LAMB3: variants seen among roughly 807,000 people sequenced by gnomAD.
LAMB3 encodes laminin subunit beta-3.
A neutral mutation model predicts 140.3 loss-of-function variants in LAMB3; 104 were observed. The ratio of observed to expected loss-of-function variants is 0.74; its 90% CI spans 0.63 to 0.87. LAMB3 has a LOEUF of 0.87. LAMB3 is among the 40% of genes least tolerant of loss of function. The probability of loss-of-function intolerance (pLI) is 0.00; values close to 1 mark genes in which losing one functional copy is unlikely to be tolerated. For missense variants in LAMB3, 1,531 were observed against 1,575.2 expected (o/e 0.97, Z 0.47); for synonymous variants, 592 against 602.9 (o/e 0.98, Z 0.26).
chr1:209,649,931 C>T (rs764891003), intron 3 of LAMB3, 33 bp downstream of exon 3: 15 of 1,613,378 alleles, frequency 9.3e-6, no homozygotes, highest in Admixed American at 1.7e-5. Context: ...CCTCCCATCC[C>T]GCCTTCCTCC....
In LAMB3 at chr1:209,630,737, T is replaced by C; in HGVS notation, c.823-2A>G. ...CTGGCAGACACAGACATCGTGGACC[T>C]GGGAGGGGGACCGTCAGCCATCAGG... On this transcript the variant is annotated splice_acceptor_variant, in intron 8 of 22. Coordinates refer to ENST00000356082, the MANE Select transcript of LAMB3 (RefSeq NM_000228.3). LOFTEE classifies it high-confidence loss of function. 1 of 1,613,740 alleles carries C rather than the reference T, an allele frequency of 6.2e-7. No individual in the cohort carries two copies. The highest frequency in any genetic ancestry group is 8.5e-7 in the Non-Finnish European group (1 of 1,179,938).
In LAMB3 at chr1:209,626,003, T is replaced by C. The variant is rs1415288738; in HGVS notation, c.1621A>G (p.Thr541Ala). 1.9e-6 allele frequency: 3 copies of C among 1,613,088 alleles called. No individual in the cohort carries two copies. The Admixed American group carries it at 5.0e-5, about 27-fold the overall frequency. ...CRACDCDFRG[T>A]EGPGCDKASG... is the part of the protein sequence containing the mutation. ...GCCTTGTCGCAGCCCGGGCCCTCTGTTCCCCGGAAATCACAGTCACAGGCT... is the reference window on the plus strand; with the variant it reads ...GCCTTGTCGCAGCCCGGGCCCTCTGCTCCCCGGAAATCACAGTCACAGGCT... Residue 541 changes from threonine (T) to alanine (A), a missense_variant, in exon 14 of 23, where the codon ACA (threonine) becomes GCA (alanine). Thr to Ala is a moderately conservative substitution (Grantham distance 58, BLOSUM62 0). Transcript: ENST00000356082.
chr1:209,625,306 A>G (rs1018840572), intron 14 of LAMB3, among the ~76,000 whole-genome samples: 5 of 152,092 alleles, frequency 3.3e-5, no homozygotes, highest in Non-Finnish European at 5.9e-5. Flanking sequence ...TGCCTCTCGG[A>G]TGCCCTCCGC....
intron 12 of LAMB3, among the ~76,000 whole-genome samples, 173 bp from the exon 13 acceptor site, chr1:209,627,151 G>A (rs367836672): frequency 6.6e-6 from 1 of 152,228 alleles, no homozygotes; most frequent in Non-Finnish European, 1.5e-5. Context: ...GAGCCTTGAA[G>A]TCAAGGCCCA....
In LAMB3 at chr1:209,618,347, C is replaced by T. The variant is rs1176939292; in HGVS notation, c.2909+105G>A. The stretch of plus-strand genomic sequence containing the variant: ...CCACTCTCCACCATGGTAAGCACCC[C>T]CTCCTGTCTCCCAGCCCTCTGTACC... On this transcript the variant is annotated intron_variant, in intron 19 of 22. Transcript: ENST00000356082. 7 of 1,152,608 alleles carry T rather than the reference C, an allele frequency of 6.1e-6. No homozygotes were observed. The South Asian group carries it at 9.1e-5, about 15-fold the overall frequency. The allele number at this position is 1,152,608 out of a possible 1,614,324, so 71.4% of individuals were successfully genotyped here. A position where few individuals can be genotyped will look rare whatever the true frequency, so the allele number is the denominator to read the frequency against.
chr1:209,640,066 G>C (rs1379441043), intron 3 of LAMB3, among the ~76,000 whole-genome samples: 1 of 152,220 alleles, frequency 6.6e-6, no homozygotes, highest in Non-Finnish European at 1.5e-5. Context: ...GGGGAGCCAG[G>C]TGTCTTGGTT....
rs769358854 is a variant in LAMB3, at chr1:209,623,526, G to A, written c.2337C>T (p.Asp779=). 2 of 1,614,210 alleles carry A rather than the reference G, an allele frequency of 1.2e-6. No individual in the cohort carries two copies. Among genetic ancestry groups the A allele is most frequent in the South Asian group, 1.1e-5 (1 of 91,086 alleles). ...ALRLEMSSLP[D]LTPTFNKLCG... ...TCACCTTGTTGAAGGTGGGTGTCAG[G>A]TCAGGCAACGAAGACATCTCCAGCC... The change falls in exon 16 of 23, where the codon GAC becomes GAT. Residue 779 remains aspartate, a synonymous_variant. Transcript: ENST00000356082. This position sits in a 1 kb window ranked among gnomAD's most constrained non-coding sequence, Gnocchi z 4.2.
chr1:209,644,363 A>G (rs1239183680), intron 3 of LAMB3, among the ~76,000 whole-genome samples: 1 of 152,224 alleles, frequency 6.6e-6, no homozygotes, highest in East Asian at 1.9e-4. Flanking sequence ...TATATGCTAC[A>G]CACTCAAAAA....
rs751348872 is a variant in LAMB3 at position 209,630,643 on chromosome 1, C to T, written c.915G>A (p.Ala305=). 20 of 1,614,058 alleles carry T rather than the reference C, an allele frequency of 1.2e-5. No homozygotes were observed. Among genetic ancestry groups the T allele is most frequent in the South Asian group, 5.5e-5 (5 of 91,060 alleles). ...PFYNNRPWRP[A]EGQDAHECQR... is the part of the protein sequence containing the mutation. ...GGCATTCATGGGCGTCCTGGCCCTC[C>T]GCCGGTCTCCAGGGCCGGTTGTTGT... Residue 305 remains alanine (A), a synonymous_variant, in exon 9 of 23, where the codon GCG becomes GCA. Transcript: ENST00000356082.
At chr1:209,615,704 C>T (rs1313489634) in intron 22 of LAMB3, among the ~76,000 whole-genome samples, 2 of 152,224 alleles carry the variant, frequency 1.3e-5, no homozygotes, top group African/African-American at 2.4e-5. Flanking sequence ...GTCACAAACA[C>T]CCATCATCAT....
chr1:209,632,756 A>G lies in LAMB3; in HGVS notation c.649T>C (p.Leu217=), dbSNP rs1270027263. 1 of 1,614,112 alleles carries G rather than the reference A, an allele frequency of 6.2e-7. No homozygotes were observed. Among genetic ancestry groups the G allele is most frequent in the Admixed American group, 1.7e-5 (1 of 60,006 alleles). Residue 217 remains leucine (L), a synonymous_variant, in exon 8 of 23, where the codon TTG becomes CTG. Coordinates refer to ENST00000356082, the MANE Select transcript of LAMB3 (RefSeq NM_000228.3). The part of the protein sequence containing the change: ...KIQEVGEITN[L]RVNFTRLAPV... ...GCCAGCCTGGTGAAATTGACTCTCAAGTTTGTGATCTCCCCCACCTCTGAG... is the reference window on the plus strand; with the variant it reads ...GCCAGCCTGGTGAAATTGACTCTCAGGTTTGTGATCTCCCCCACCTCTGAG...
chr1:209,643,973 G>A lies in LAMB3; in HGVS notation c.184-5325C>T, dbSNP rs184121853. On this transcript the variant is annotated intron_variant, in intron 3 of 22. Coordinates refer to ENST00000356082, the MANE Select transcript of LAMB3 (RefSeq NM_000228.3). Reference sequence around the variant, plus strand: ...TAGCACATCAGCCCAGAAGTTAAAGGTACTCTCAGCAAGTAGACAAAGAAA... The same window carrying A: ...TAGCACATCAGCCCAGAAGTTAAAGATACTCTCAGCAAGTAGACAAAGAAA... 2.0e-5 allele frequency among the ~76,000 whole-genome samples: 3 copies of A among 152,234 alleles called. No homozygotes were observed. In the East Asian group the frequency reaches 5.8e-4, roughly 29 times the overall value.
At chr1:209,638,852 C>A (rs2076433160) in intron 3 of LAMB3, among the ~76,000 whole-genome samples, 1 of 151,950 alleles carries the variant, frequency 6.6e-6, no homozygotes, top group Non-Finnish European at 1.5e-5. Context: ...CCTTGGTGCC[C>A]CTCCTAACAC....
In LAMB3 at chr1:209,633,280, C is replaced by A. The variant is rs554795904; in HGVS notation, c.565-147G>T. ...GATAGACCATGGCTATGAGGCTTGT[C>A]ATCTGCTGTGGGGGAGAAAGATGAT... On this transcript the variant is annotated intron_variant, in intron 6 of 22. Transcript: ENST00000356082. 4.2e-5 allele frequency: 30 copies of A among 717,050 alleles called. No homozygotes were observed. The African/African-American group carries it at 5.2e-4, about 13-fold the overall frequency. 44.4% of individuals were successfully genotyped at this position (717,050 alleles called of 1,614,324 possible). A position where few individuals can be genotyped will look rare whatever the true frequency, so the allele number is the denominator to read the frequency against.
At chr1:209,651,306 A>C (rs1483369439) in intron 1 of LAMB3, 2 of 338,846 alleles carry the variant, frequency 5.9e-6, no homozygotes, top group Admixed American at 3.8e-5. Flanking sequence ...GGGGAGCAGG[A>C]AAAGGCTGGA....
At position 209,648,293 on chromosome 1, in the gene LAMB3, G is replaced by A. The variant is rs374509499; in HGVS notation, c.183+1671C>T. Among the ~76,000 whole-genome samples, 47 of 152,290 alleles carry A rather than the reference G, an allele frequency of 3.1e-4. No individual in the cohort carries two copies. In the East Asian group the frequency reaches 7.9e-3, roughly 26 times the overall value. ...ATACTCACTTACAGAAAAGGACAGC[G>A]AGGCTTACACAGGGGTAATCTCTTG... is the stretch of plus-strand genomic sequence containing the variant. On this transcript the variant is annotated intron_variant, in intron 3 of 22. Transcript: ENST00000356082.
At chr1:209,628,994 T>G (rs1202253493) in intron 10 of LAMB3, among the ~76,000 whole-genome samples, 2 of 152,230 alleles carry the variant, frequency 1.3e-5, no homozygotes, top group Admixed American at 1.3e-4. Context: ...AACTCAGTTC[T>G]GTCTCACTCT....
rs1426062333 is a variant in LAMB3, at chr1:209,617,994, C to A, written c.2964G>T (p.Arg988=). The change falls in exon 20 of 23, where the codon CGG becomes CGT. Residue 988 remains arginine (R), a synonymous_variant. Coordinates refer to ENST00000356082, the MANE Select transcript of LAMB3 (RefSeq NM_000228.3). The stretch of plus-strand genomic sequence containing the variant: ...CTTCCTGCAGTGCCACTGTCCCCTG[C>A]CGCAGGTTCCCAACCACATCTTCCA... ...GQVEDVVGNL[R]QGTVALQEAQ... 6.2e-7 allele frequency: 1 copy of A among 1,614,070 alleles called. No homozygotes were observed. Among genetic ancestry groups the A allele is most frequent in the Non-Finnish European group, 8.5e-7 (1 of 1,180,036 alleles).
At chr1:209,649,777 T>C (rs1272108465) in intron 3 of LAMB3, among the ~76,000 whole-genome samples, 187 bp downstream of exon 3, 1 of 152,250 alleles carries the variant, frequency 6.6e-6, no homozygotes, top group Admixed American at 6.5e-5. Flanking sequence ...ACATTTCCTC[T>C]TGCCCAACCA....
Sources: allele counts gnomAD v4.1 joint callset (sites outside exome capture counted in the v4.1 genomes callset), GRCh38; gene constraint gnomAD v4.1.1; non-coding constraint Gnocchi (gnomAD v3.1); transcripts MANE v1.5; gene names NCBI Gene and HGNC (gene_info 2026-07-23, HGNC 2026-07-21).